The following FRY variants were observed in gnomAD, a reference collection of about 807,000 sequenced individuals.
FRY encodes protein furry homolog.
In FRY, 128 loss-of-function variants were observed where a neutral mutation model predicts 348.4. That is an observed-to-expected ratio of 0.37 (90% confidence interval 0.32 to 0.43). FRY has a LOEUF of 0.43. FRY is among the 20% of genes least tolerant of loss of function. The pLI, the probability that FRY is intolerant of heterozygous loss-of-function variation, is 1.00. For missense variants in FRY, 2,736 were observed against 3,695.2 expected (o/e 0.74, Z 6.73); for synonymous variants, 1,370 against 1,374.7 (o/e 1.00, Z 0.08).
chr13:32,165,839 T>C (rs77243241), intron 17 of FRY, among the ~76,000 whole-genome samples: 3,810 of 152,346 alleles, frequency 0.025, 160 homozygotes, highest in African/African-American at 0.086. Flanking sequence ...ATTTCTGATC[T>C]GACCAACAAA....
chr13:32,196,808 G>A (rs1404096830), intron 29 of FRY, among the ~76,000 whole-genome samples: 3 of 152,182 alleles, frequency 2.0e-5, no homozygotes, highest in Non-Finnish European at 4.4e-5. Flanking sequence ...AATGCTATTA[G>A]ATACAGCTCA....
At chr13:32,176,367 A>G (rs751561547) in intron 20 of FRY, among the ~76,000 whole-genome samples, 3 of 152,228 alleles carry the variant, frequency 2.0e-5, no homozygotes, top group Non-Finnish European at 2.9e-5. Context: ...TGCAGAATCC[A>G]TGTTACTGAT....
chr13:32,270,406 C>T (rs1888146709), intron 55 of FRY, among the ~76,000 whole-genome samples: 1 of 152,196 alleles, frequency 6.6e-6, no homozygotes, highest in Admixed American at 6.5e-5. Context: ...AAGGTTTCAC[C>T]ATGTTGGTCA....
intron 35 of FRY, among the ~76,000 whole-genome samples, chr13:32,215,152 C>T (rs188182856): frequency 6.6e-6 from 1 of 152,024 alleles, no homozygotes; most frequent in Non-Finnish European, 1.5e-5. Context: ...AACCTTGAGG[C>T]CCCAGTAGCC....
At chr13:32,274,652 C>T (rs562858734) in intron 55 of FRY, among the ~76,000 whole-genome samples, 190 bp from the exon 56 acceptor site, 45 of 140,566 alleles carry the variant, frequency 3.2e-4, no homozygotes, top group Non-Finnish European at 5.0e-4. Context: ...TGCAGTGAGC[C>T]GAGATCGCGC....
At chr13:32,149,369 C>G (rs1880657096) in intron 13 of FRY, among the ~76,000 whole-genome samples, 1 of 151,950 alleles carries the variant, frequency 6.6e-6, no homozygotes, top group Admixed American at 6.6e-5. Flanking sequence ...TTGCAGTGAT[C>G]TCTTTAAAAA....
intron 17 of FRY, among the ~76,000 whole-genome samples, chr13:32,169,464 TC>T (rs1313004574): frequency 6.6e-6 from 1 of 152,170 alleles, no homozygotes; most frequent in Non-Finnish European, 1.5e-5. Flanking sequence ...ACAGTTAGTA[TC>T]CCCATTTTAC....
At chr13:32,128,822 C>A (rs920254449) in intron 7 of FRY, among the ~76,000 whole-genome samples, 1 of 152,214 alleles carries the variant, frequency 6.6e-6, no homozygotes, top group Non-Finnish European at 1.5e-5. Flanking sequence ...ACATCAGAAA[C>A]ACCTGTAGAG....
intron 29 of FRY, among the ~76,000 whole-genome samples, chr13:32,198,198 A>T (rs533590694): frequency 2.6e-5 from 4 of 152,326 alleles, no homozygotes; most frequent in Admixed American, 1.3e-4. Context: ...GGTCAAGTGC[A>T]TGGCCCTGCC....
rs2138664334 is a variant in FRY at position 32,294,381 on chromosome 13, C to T, written c.8594C>T (p.Ser2865Phe). Reference protein sequence around the residue: ...VSSMPELLNMSRELSDLKKHL... With the variant: ...VSSMPELLNMFRELSDLKKHL... ...TTTTTTAAATAGCTGCTGAATATGTCCAGGGAACTGAGTGACCTAAAGAAA... is the reference window on the plus strand; with the variant it reads ...TTTTTTAAATAGCTGCTGAATATGTTCAGGGAACTGAGTGACCTAAAGAAA... Residue 2865 changes from serine (S) to phenylalanine (F), a missense_variant, in exon 60 of 61, where the codon TCC becomes TTC. Ser to Phe is a radical substitution (Grantham distance 155, BLOSUM62 -2). Coordinates refer to ENST00000542859, the MANE Select transcript of FRY (RefSeq NM_023037.3). The T allele has an allele frequency of 6.2e-7, 1 of 1,612,158 alleles. No individual in the cohort carries two copies. Among genetic ancestry groups the T allele is most frequent in the East Asian group, 2.2e-5 (1 of 44,854 alleles).
At chr13:32,176,840 T>C (rs1882388432) in intron 20 of FRY, among the ~76,000 whole-genome samples, 2 of 152,216 alleles carry the variant, frequency 1.3e-5, no homozygotes. Context: ...TTTACAGCTG[T>C]TACTTCATGT....
intron 50 of FRY, 104 bp from the exon 51 acceptor site, chr13:32,254,120 G>A: frequency 1.0e-6 from 1 of 975,658 alleles, no homozygotes; most frequent in South Asian, 1.3e-5. Flanking sequence ...AAGGAATTAG[G>A]TGTGTACTGG....
At chr13:32,114,305 G>T (rs932940876) in intron 3 of FRY, among the ~76,000 whole-genome samples, 1 of 152,170 alleles carries the variant, frequency 6.6e-6, no homozygotes, top group African/African-American at 2.4e-5. Context: ...CACTGCCATG[G>T]TACTTTTGTC....
At chr13:32,122,924 A>G (rs1473911297) in intron 4 of FRY, among the ~76,000 whole-genome samples, 1 of 148,890 alleles carries the variant, frequency 6.7e-6, no homozygotes, top group Admixed American at 6.7e-5. Context: ...TCAATAACTC[A>G]ACCCCTTTTA....
chr13:32,253,944 C>T (rs1202698390), intron 50 of FRY, among the ~76,000 whole-genome samples: 2 of 131,352 alleles, frequency 1.5e-5, no homozygotes, highest in African/African-American at 2.8e-5. Context: ...CACACACACA[C>T]ATACACACAC....
chr13:32,070,330 C>G (rs1292843321), intron 1 of FRY, among the ~76,000 whole-genome samples: 1 of 152,192 alleles, frequency 6.6e-6, no homozygotes, highest in South Asian at 2.1e-4. Flanking sequence ...TACACTCCCA[C>G]CAACAATGTA....
intron 19 of FRY, 68 bp downstream of exon 19, chr13:32,173,617 T>C (rs1434742516): frequency 1.9e-5 from 21 of 1,119,156 alleles, no homozygotes; most frequent in Admixed American, 3.4e-5. Flanking sequence ...GATTAAAAAC[T>C]ACAAATGATG....
chr13:32,039,356 A>G (rs1010934882), intron 1 of FRY, among the ~76,000 whole-genome samples: 2 of 152,114 alleles, frequency 1.3e-5, no homozygotes, highest in Non-Finnish European at 1.5e-5. Flanking sequence ...GAATTTTGCA[A>G]TGGGACAAAT....
chr13:32,275,106 CG>C, intron 56 of FRY, 115 bp downstream of exon 56: 1 of 942,254 alleles, frequency 1.1e-6, no homozygotes, highest in Non-Finnish European at 1.7e-6. Context: ...TGGCCGGGTG[CG>C]GTGGCTCAAG....
Sources: allele counts gnomAD v4.1 joint callset (sites outside exome capture counted in the v4.1 genomes callset), GRCh38; gene constraint gnomAD v4.1.1; transcripts MANE v1.5; gene names NCBI Gene and HGNC (gene_info 2026-07-23, HGNC 2026-07-21).